The following SFRP1 variants were observed in gnomAD, a reference collection of about 807,000 sequenced individuals.
The protein encoded by SFRP1 is secreted frizzled related protein 1.
A neutral mutation model predicts 25.9 loss-of-function variants in SFRP1; 9 were observed. The ratio of observed to expected loss-of-function variants is 0.35; its 90% confidence interval spans 0.21 to 0.61. The LOEUF (loss-of-function observed/expected upper bound fraction) is 0.61, where lower values mean the gene tolerates loss of function less well. Among genes scored for constraint, SFRP1 ranks in the 20% least tolerant of loss-of-function variants. The pLI is 0.78. For synonymous variants in SFRP1, 178 were observed against 174.0 expected (o/e 1.02, Z -0.18); for missense variants, 346 against 418.2 (o/e 0.83, Z 1.51).
intron 2 of SFRP1, among the ~76,000 whole-genome samples, chr8:41,269,758 T>A (rs1803480521): frequency 6.6e-6 from 1 of 152,086 alleles, no homozygotes; most frequent in Admixed American, 6.5e-5. Flanking sequence ...GGAATGGCTG[T>A]AGGAATCCAG....
Position 41,264,983 on chromosome 8 carries a change from C to A in SFRP1, c.*184G>T. On this transcript the variant is annotated 3_prime_UTR_variant, in exon 3 of 3. Coordinates refer to ENST00000220772, the MANE Select transcript of SFRP1 (RefSeq NM_003012.5). ...CTTGCTTTACCCGGCCATGGCTACC[C>A]TGGGGTTTGGAGCGTGGCTATGGAG... 1 of 578,168 alleles carries A rather than the reference C, an allele frequency of 1.7e-6. No individual in the cohort carries two copies. The highest frequency in any genetic ancestry group is 2.8e-5 in the East Asian group (1 of 35,294). The allele number at this position is 578,168 out of a possible 1,614,324, so 35.8% of individuals were successfully genotyped here. A position where few individuals can be genotyped will look rare whatever the true frequency, so the allele number is the denominator to read the frequency against.
chr8:41,270,029 G>A (rs561337597), intron 2 of SFRP1, among the ~76,000 whole-genome samples: 12 of 152,296 alleles, frequency 7.9e-5, no homozygotes, highest in East Asian at 5.8e-4. Context: ...CCTAAGTGCC[G>A]AAGAGCTTAA....
chr8:41,296,109 C>A (rs1338711666), intron 2 of SFRP1, among the ~76,000 whole-genome samples: 1 of 85,176 alleles, frequency 1.2e-5, no homozygotes, highest in Admixed American at 1.3e-4. Context: ...GGTCACCCAG[C>A]CAGACAGACT....
At chr8:41,302,854 C>T (rs1392300511) in intron 2 of SFRP1, among the ~76,000 whole-genome samples, 6 of 151,344 alleles carry the variant, frequency 4.0e-5, no homozygotes, top group African/African-American at 7.3e-5. Flanking sequence ...AATTCTCTTT[C>T]GATGGAGAGT....
At chr8:41,297,371 TG>T (rs888096470) in intron 2 of SFRP1, among the ~76,000 whole-genome samples, 1 of 152,146 alleles carries the variant, frequency 6.6e-6, no homozygotes, top group African/African-American at 2.4e-5. Flanking sequence ...GTCTTCCAAA[TG>T]GGTTTTTTAA....
At chr8:41,281,771 A>G (rs1454824328) in intron 2 of SFRP1, among the ~76,000 whole-genome samples, 1 of 152,190 alleles carries the variant, frequency 6.6e-6, no homozygotes, top group African/African-American at 2.4e-5. Context: ...CAGGGTGATG[A>G]ATTTCATATA....
chr8:41,294,988 A>G (rs921938554), intron 2 of SFRP1, among the ~76,000 whole-genome samples: 6 of 152,230 alleles, frequency 3.9e-5, no homozygotes, highest in African/African-American at 1.2e-4. Context: ...TGTGATATGG[A>G]AACTCCAGCA....
At chr8:41,285,201 C>T (rs1347116949) in intron 2 of SFRP1, among the ~76,000 whole-genome samples, 2 of 152,282 alleles carry the variant, frequency 1.3e-5, no homozygotes, top group Admixed American at 1.3e-4. Context: ...CTCATTTTAC[C>T]GATCAGAAAA....
chr8:41,297,766 T>G (rs558259439), intron 2 of SFRP1, among the ~76,000 whole-genome samples: 1 of 152,112 alleles, frequency 6.6e-6, no homozygotes, highest in Non-Finnish European at 1.5e-5. Context: ...CTTTCCATTC[T>G]GCTACACTGC....
At chr8:41,281,761 C>T (rs76415673) in intron 2 of SFRP1, among the ~76,000 whole-genome samples, 1 of 152,236 alleles carries the variant, frequency 6.6e-6, no homozygotes, top group East Asian at 1.9e-4. Flanking sequence ...CCACACCCTA[C>T]AGGGTGATGA....
intron 2 of SFRP1, among the ~76,000 whole-genome samples, chr8:41,299,332 C>T (rs1803882963): frequency 3.3e-5 from 5 of 151,712 alleles, no homozygotes; most frequent in Admixed American, 2.6e-4. Context: ...AGTAACAATT[C>T]CTTCCATGTC....
chr8:41,302,043 T>C (rs576611950), intron 2 of SFRP1, among the ~76,000 whole-genome samples: 2 of 152,382 alleles, frequency 1.3e-5, no homozygotes, highest in South Asian at 4.1e-4. Flanking sequence ...TCTGTCTTTT[T>C]TAAAAAACAA....
intron 1 of SFRP1, 46 bp from the exon 2 acceptor site, chr8:41,303,584 G>A (rs748297565): frequency 5.1e-5 from 77 of 1,502,104 alleles, no homozygotes; most frequent in Non-Finnish European, 7.0e-5. Context: ...TTACAGAGCA[G>A]GAAGGGAGCA....
At chr8:41,307,725 G>T (rs550219837) in intron 1 of SFRP1, among the ~76,000 whole-genome samples, 9 of 152,204 alleles carry the variant, frequency 5.9e-5, no homozygotes, top group Admixed American at 3.3e-4. Context: ...TGACTTCCCA[G>T]GATTTTTTTT....
chr8:41,309,134 C>A lies in SFRP1; in HGVS notation c.26G>T (p.Gly9Val), dbSNP rs978853823. MGIGRSEGGRRGAALGVLL... is the reference protein window; with the variant it reads MGIGRSEGVRRGAALGVLL... ...CACGCCCAGGGCTGCCCCGCGGCGG[C>A]CCCCCTCGCTGCGCCCGATGCCCAT... is the stretch of plus-strand genomic sequence containing the variant. Residue 9 changes from glycine to valine, a missense_variant, in exon 1 of 3, where the codon GGC becomes GTC. By Grantham distance (109) the Gly-to-Val change is moderately radical. Coordinates refer to ENST00000220772, the MANE Select transcript of SFRP1 (RefSeq NM_003012.5). 9.7e-6 allele frequency: 14 copies of A among 1,436,402 alleles called. No homozygotes were observed. The highest frequency in any genetic ancestry group is 1.5e-5 in the African/African-American group (1 of 66,680). The allele number at this position is 1,436,402 out of a possible 1,614,324, so 89.0% of individuals were successfully genotyped here.
At chr8:41,306,962 C>G in intron 1 of SFRP1, 3 of 1,502,772 alleles carry the variant, frequency 2.0e-6, no homozygotes, top group Non-Finnish European at 2.7e-6. Context: ...TTTCCGCAGC[C>G]GAGCCCCCTA....
intron 2 of SFRP1, among the ~76,000 whole-genome samples, chr8:41,288,429 T>A (rs1157439467): frequency 6.7e-6 from 1 of 149,132 alleles, no homozygotes; most frequent in Non-Finnish European, 1.5e-5. Context: ...TCCCTGTACT[T>A]GGGAGACTGA....
chr8:41,275,512 T>TG (rs2117487401), intron 2 of SFRP1, among the ~76,000 whole-genome samples: 1 of 151,648 alleles, frequency 6.6e-6, no homozygotes, highest in East Asian at 1.9e-4. Context: ...TCTTTTTGTT[T>TG]TTTTTTTTTA....
At chr8:41,305,702 GTTTA>G (rs1803987127) in intron 1 of SFRP1, among the ~76,000 whole-genome samples, 1 of 152,216 alleles carries the variant, frequency 6.6e-6, no homozygotes, top group Non-Finnish European at 1.5e-5. Context: ...AAGGTTTTGT[GTTTA>G]TTAATATTTA....
Sources: gnomAD v4.1 joint callset for allele counts (sites outside exome capture counted in the v4.1 genomes callset) on GRCh38, gnomAD v4.1.1 for gene constraint, MANE v1.5 for transcripts, NCBI Gene and HGNC (gene_info 2026-07-23, HGNC 2026-07-21) for gene names.